SIDT1: variants seen among roughly 807,000 people sequenced by gnomAD.
SIDT1 encodes the protein SID1 transmembrane family member 1.
Under a neutral mutation model 107.5 loss-of-function variants are expected in SIDT1, and 101 were observed. The observed-to-expected ratio is 0.94, with a 90% CI of 0.80 to 1.11. The LOEUF is 1.11. SIDT1 is among the 50% of genes least tolerant of loss of function. SIDT1 has a pLI of 0.00. For synonymous variants in SIDT1, 395 were observed against 398.2 expected, an observed-to-expected ratio of 0.99 and a Z score of 0.10; for missense variants, 1,076 against 1,058.2, an observed-to-expected ratio of 1.02 and a Z score of -0.23.
At chr3:113,591,506 A>G (rs1944150092) in intron 9 of SIDT1, among the ~76,000 whole-genome samples, 1 of 152,220 alleles carries the variant, frequency 6.6e-6, no homozygotes, top group Non-Finnish European at 1.5e-5. Context: ...AAGAACGTTA[A>G]AGGATTTGCA....
chr3:113,626,190 C>T lies in SIDT1; in HGVS notation c.2396C>T (p.Ala799Val). 6.2e-7 allele frequency: 1 copy of T among 1,613,276 alleles called. No individual in the cohort carries two copies. The highest frequency in any genetic ancestry group is 8.5e-7 in the Non-Finnish European group (1 of 1,179,220). The change falls in exon 24 of 25, where the codon GCT becomes GTT. Residue 799 changes from alanine (A) to valine (V), a missense_variant. Coordinates refer to ENST00000264852, the MANE Select transcript of SIDT1 (RefSeq NM_017699.3). The stretch of plus-strand genomic sequence containing the variant: ...CATGACATCTGGCACTTCCTCTCTG[C>T]TACTGCTCTGTTTTTCTCATTCTTG... The part of the protein sequence containing the change: ...DDHDIWHFLS[A>V]TALFFSFLVL...
intron 1 of SIDT1, among the ~76,000 whole-genome samples, chr3:113,536,484 CTTTCTT>C (rs752778553): frequency 3.3e-5 from 5 of 152,200 alleles, no homozygotes; most frequent in Non-Finnish European, 7.3e-5. Context: ...TTGTTTTCCT[CTTTCTT>C]CAAGCCATTG....
intron 17 of SIDT1, among the ~76,000 whole-genome samples, chr3:113,610,491 A>G (rs1945657281): frequency 6.6e-6 from 1 of 152,224 alleles, no homozygotes; most frequent in Non-Finnish European, 1.5e-5. Flanking sequence ...ATTGTAATGC[A>G]GTAAGCTCCA....
intron 20 of SIDT1, among the ~76,000 whole-genome samples, chr3:113,619,457 T>C (rs1210260790): frequency 6.6e-6 from 1 of 152,242 alleles, no homozygotes; most frequent in Non-Finnish European, 1.5e-5. Context: ...TCACCACATT[T>C]TCTTTCTCAG....
chr3:113,576,443 T>C (rs548524277), intron 3 of SIDT1, among the ~76,000 whole-genome samples: 2 of 152,270 alleles, frequency 1.3e-5, no homozygotes, highest in East Asian at 3.9e-4. Context: ...CCCATGTGGT[T>C]ATCTATTCAC....
intron 1 of SIDT1, among the ~76,000 whole-genome samples, chr3:113,547,461 T>C (rs918622296): frequency 6.6e-6 from 1 of 152,150 alleles, no homozygotes; most frequent in African/African-American, 2.4e-5. Flanking sequence ...AATTCCTTAC[T>C]TTGAATTCTC....
chr3:113,576,451 C>T (rs1203020581), intron 3 of SIDT1, among the ~76,000 whole-genome samples: 1 of 152,064 alleles, frequency 6.6e-6, no homozygotes, highest in African/African-American at 2.4e-5. Flanking sequence ...GTTATCTATT[C>T]ACTGTGTTTG....
Position 113,608,464 on chromosome 3 carries a change from A to G in SIDT1, c.1648A>G (p.Ile550Val), listed in dbSNP as rs1315088761. 3 of 1,613,968 alleles carry G rather than the reference A, an allele frequency of 1.9e-6. No homozygotes were observed. Among genetic ancestry groups the G allele is most frequent in the African/African-American group, 1.3e-5 (1 of 74,892 alleles). Residue 550 changes from isoleucine (I) to valine (V), a missense_variant, in exon 17 of 25, where the codon ATT (isoleucine) becomes GTT (valine). Coordinates refer to ENST00000264852, the MANE Select transcript of SIDT1 (RefSeq NM_017699.3). Reference sequence around the variant, plus strand: ...CTTTGGTCTCTTCTACGCTATGGGCATTGCATTGATGATGGAAGGGGTGCT... The same window carrying G: ...CTTTGGTCTCTTCTACGCTATGGGCGTTGCATTGATGATGGAAGGGGTGCT... ...KHFGLFYAMG[I>V]ALMMEGVLSA...
intron 21 of SIDT1, among the ~76,000 whole-genome samples, chr3:113,620,384 C>T (rs1477203273): frequency 1.3e-5 from 2 of 152,038 alleles, no homozygotes; most frequent in African/African-American, 4.8e-5. Flanking sequence ...GCAATCTATC[C>T]TCTTATACAG....
chr3:113,606,807 A>G, intron 14 of SIDT1: 1 of 440,158 alleles, frequency 2.3e-6, no homozygotes, highest in East Asian at 3.4e-5. Context: ...TTGGGGCTGC[A>G]TAAGAGGGTA....
downstream of SIDT1, among the ~76,000 whole-genome samples, chr3:113,630,059 T>G (rs1229388300): frequency 6.6e-6 from 1 of 152,220 alleles, no homozygotes. Flanking sequence ...GAGCCATTTC[T>G]GTAGGACAGT....
chr3:113,618,599 AG>A (rs1946259215), intron 20 of SIDT1, among the ~76,000 whole-genome samples: 1 of 152,180 alleles, frequency 6.6e-6, no homozygotes, highest in African/African-American at 2.4e-5. Flanking sequence ...TCACTGTTTG[AG>A]GATTTTAGCC....
rs760252827 is a variant in SIDT1, at chr3:113,533,126, G to C, written c.105G>C (p.Pro35=). The change falls in exon 1 of 25, where the codon CCG becomes CCC. Residue 35 remains proline (P), a synonymous_variant. Transcript: ENST00000264852. ...PAKSPRQPPA[P]RRDPFDAARG... is the part of the protein sequence containing the mutation. ...AATCCCCCAGGCAGCCCCCGGCACC[G>C]CGCCGCGACCCCTTCGACGCTGCCA... The C allele has an allele frequency of 6.4e-7, 1 of 1,559,812 alleles. No individual in the cohort carries two copies. Among genetic ancestry groups the C allele is most frequent in the Non-Finnish European group, 8.7e-7 (1 of 1,155,202 alleles).
intron 17 of SIDT1, 81 bp downstream of exon 17, chr3:113,608,617 G>A (rs1159180282): frequency 2.1e-6 from 2 of 973,862 alleles, no homozygotes; most frequent in Non-Finnish European, 3.3e-6. Flanking sequence ...CCAAAGTCAT[G>A]CTTGCAAAGA....
At chr3:113,541,542 C>T (rs1032524908) in intron 1 of SIDT1, among the ~76,000 whole-genome samples, 1 of 152,308 alleles carries the variant, frequency 6.6e-6, no homozygotes, top group Admixed American at 6.5e-5. Context: ...AAATTTTATT[C>T]TCCAGGGAAT....
chr3:113,539,356 T>C (rs1938542917), intron 1 of SIDT1, among the ~76,000 whole-genome samples: 1 of 152,226 alleles, frequency 6.6e-6, no homozygotes, highest in Non-Finnish European at 1.5e-5. Context: ...TCAAGTGCTC[T>C]TTGACAGCTT....
At chr3:113,616,206 C>T (rs1401149258) in intron 20 of SIDT1, 30 bp downstream of exon 20, 1 of 1,540,520 alleles carries the variant, frequency 6.5e-7, no homozygotes, top group African/African-American at 1.4e-5. Flanking sequence ...TTCTTTGGCC[C>T]TGTCCCAGAA....
At chr3:113,571,749 TA>T (rs1406248285) in intron 3 of SIDT1, among the ~76,000 whole-genome samples, 2 of 152,074 alleles carry the variant, frequency 1.3e-5, no homozygotes, top group African/African-American at 4.8e-5. Context: ...ACCTGGCCAA[TA>T]TGGTGAAACT....
intron 1 of SIDT1, among the ~76,000 whole-genome samples, chr3:113,561,011 T>C (rs1941380343): frequency 6.6e-6 from 1 of 152,166 alleles, no homozygotes; most frequent in African/African-American, 2.4e-5. Context: ...ACAAGATTTA[T>C]GCAATAAAAG....
Sources: gnomAD v4.1 joint callset for allele counts (sites outside exome capture counted in the v4.1 genomes callset) on GRCh38, gnomAD v4.1.1 for gene constraint, MANE v1.5 for transcripts, NCBI Gene and HGNC (gene_info 2026-07-23, HGNC 2026-07-21) for gene names.